The following ZNF423 variants were observed in gnomAD, a reference collection of about 807,000 sequenced individuals.
ZNF423 encodes the protein zinc finger protein 423.
In ZNF423, 12 loss-of-function variants were observed where a neutral mutation model predicts 95.8. The observed-to-expected ratio is 0.13, with a 90% CI of 0.08 to 0.20. The LOEUF is 0.20. Among genes scored for constraint, ZNF423 ranks in the 10% least tolerant of loss-of-function variants. ZNF423 has a pLI of 1.00. For synonymous variants in ZNF423, 749 were observed against 711.9 expected (o/e 1.05, Z -0.83); for missense variants, 1,316 against 1,737.1 (o/e 0.76, Z 4.31).
At chr16:49,496,382 G>A (rs545075367) in intron 7 of ZNF423, among the ~76,000 whole-genome samples, 32 of 152,218 alleles carry the variant, frequency 2.1e-4, no homozygotes, top group African/African-American at 7.2e-4. Context: ...GATCCCTCAC[G>A]GACAGCTTGG....
chr16:49,611,381 C>T (rs567083809), intron 5 of ZNF423, among the ~76,000 whole-genome samples: 33 of 151,958 alleles, frequency 2.2e-4, no homozygotes, highest in South Asian at 4.2e-4. Context: ...AGAAACTATA[C>T]GACGTACCTC....
rs970988252 is a variant in ZNF423, at chr16:49,490,247, A to G, written c.*1028T>C. 6 of 152,434 alleles carry G rather than the reference A, an allele frequency of 3.9e-5. No homozygotes were observed. The East Asian group carries it at 1.2e-3, about 29-fold the overall frequency. The allele number at this position is 152,434 out of a possible 1,614,324, so 9.4% of individuals were successfully genotyped here. On this transcript the variant is annotated 3_prime_UTR_variant, in exon 8 of 8. Transcript: ENST00000563137. ...CCTGTATCCAACAAAGGGGAAAGCC[A>G]ACCCTGAAGGGAAAGCCAAGAAGAC...
intron 5 of ZNF423, among the ~76,000 whole-genome samples, chr16:49,619,046 C>G (rs1971971998): frequency 6.6e-6 from 1 of 152,158 alleles, no homozygotes; most frequent in African/African-American, 2.4e-5. Flanking sequence ...GACCTCTTTT[C>G]TCTATAATTG....
chr16:49,546,326 C>T (rs1006270267), intron 5 of ZNF423, among the ~76,000 whole-genome samples: 2 of 152,186 alleles, frequency 1.3e-5, no homozygotes, highest in African/African-American at 2.4e-5. Context: ...TAAACTGTGA[C>T]TTTCTTCACT....
chr16:49,788,943 T>C (rs1255270513), intron 2 of ZNF423, among the ~76,000 whole-genome samples: 1 of 152,146 alleles, frequency 6.6e-6, no homozygotes, highest in Non-Finnish European at 1.5e-5. Flanking sequence ...TTTTTACAGC[T>C]AAGAAACAGA....
At chr16:49,771,710 C>T (rs536767151) in intron 2 of ZNF423, among the ~76,000 whole-genome samples, 1 of 152,202 alleles carries the variant, frequency 6.6e-6, no homozygotes, top group Non-Finnish European at 1.5e-5. Flanking sequence ...CGTGCCTTTG[C>T]TCTTCCTTTG....
At position 49,638,933 on chromosome 16, in the gene ZNF423, G is replaced by C; in HGVS notation, c.302-59C>G. The C allele has an allele frequency of 1.3e-6, 2 of 1,531,442 alleles. No individual in the cohort carries two copies. Among genetic ancestry groups the C allele is most frequent in the Admixed American group, 3.9e-5 (2 of 51,364 alleles). The allele number at this position is 1,531,442 out of a possible 1,614,324, so 94.9% of individuals were successfully genotyped here. ...ATTCCCAGGGCTGCCGAGAAACAAG[G>C]ACAGAGCCAGCTTCTCGACAGCACG... is the stretch of plus-strand genomic sequence containing the variant. On this transcript the variant is annotated intron_variant, in intron 3 of 7. Transcript: ENST00000563137. The surrounding 1 kb of genome is among the most constrained non-coding windows in gnomAD (Gnocchi z 5.6).
At chr16:49,725,373 A>T (rs2032982748) in intron 3 of ZNF423, among the ~76,000 whole-genome samples, 1 of 151,988 alleles carries the variant, frequency 6.6e-6, no homozygotes, top group African/African-American at 2.4e-5. Flanking sequence ...ACAGAACAAG[A>T]CCCTGTCTCT....
Position 49,855,033 on chromosome 16 carries a change from C to T in ZNF423, c.40+702G>A, listed in dbSNP as rs1567373373. The T allele has an allele frequency of 1.0e-6, 1 of 984,852 alleles. No homozygotes were observed. Among genetic ancestry groups the T allele is most frequent in the African/African-American group, 1.7e-5 (1 of 57,160 alleles). 61.0% of individuals were successfully genotyped at this position (984,852 alleles called of 1,614,324 possible). ...CCCCTGAGGACCTGCGTCCCGCCGG[C>T]GCCGTGCAGACAATGAACTCCTGGC... is the stretch of plus-strand genomic sequence containing the variant. On this transcript the variant is annotated intron_variant, in intron 1 of 7. Coordinates refer to ENST00000563137, the MANE Select transcript of ZNF423 (RefSeq NM_001379286.1). This position sits in a 1 kb window ranked among gnomAD's most constrained non-coding sequence, Gnocchi z 4.7.
intron 1 of ZNF423, among the ~76,000 whole-genome samples, chr16:49,833,584 G>C (rs1232590863): frequency 3.9e-5 from 6 of 152,030 alleles, no homozygotes; most frequent in Non-Finnish European, 5.9e-5. Context: ...CGCTCCCAGA[G>C]CCCCCTCCCA....
Position 49,712,379 on chromosome 16 carries a change from CA to C in ZNF423, c.301+18391del, listed in dbSNP as rs551004199. ...GAGAAAAAAAGCTCTTAGGAATGTC[CA>C]GAGGGGAAAGTGCCATTGGAAAAAA... On this transcript the variant is annotated intron_variant, in intron 3 of 7. Transcript: ENST00000563137. Among the ~76,000 whole-genome samples the C allele has an allele frequency of 5.2e-3, 798 of 152,238 alleles. 9 individuals are homozygous for C. Among genetic ancestry groups the C allele is most frequent in the African/African-American group, 0.018 (760 of 41,554 alleles).
intron 3 of ZNF423, among the ~76,000 whole-genome samples, chr16:49,716,023 G>A (rs932080496): frequency 2.0e-5 from 3 of 152,030 alleles, no homozygotes; most frequent in African/African-American, 7.2e-5. Flanking sequence ...AGGAGGAGAA[G>A]CCGCAAGAGG....
At chr16:49,669,202 A>G (rs978317432) in intron 3 of ZNF423, among the ~76,000 whole-genome samples, 1 of 151,846 alleles carries the variant, frequency 6.6e-6, no homozygotes, top group Admixed American at 6.6e-5. Context: ...GGTGGCGCAC[A>G]CCTGTAATCC....
intron 4 of ZNF423, among the ~76,000 whole-genome samples, chr16:49,634,204 C>CTT (rs528621494): frequency 1.4e-4 from 16 of 114,238 alleles, no homozygotes; most frequent in South Asian, 6.1e-4. Context: ...CCACACCTGG[C>CTT]TTTTTTTTTT....
chr16:49,685,455 T>A (rs1027144552), intron 3 of ZNF423, among the ~76,000 whole-genome samples: 7 of 152,084 alleles, frequency 4.6e-5, no homozygotes, highest in African/African-American at 1.7e-4. Flanking sequence ...CCCTACCAGC[T>A]TTGTCCCCCA....
intron 3 of ZNF423, among the ~76,000 whole-genome samples, chr16:49,710,463 C>T (rs116051646): frequency 0.02 from 3,039 of 152,288 alleles, 102 homozygotes; most frequent in African/African-American, 0.068. Flanking sequence ...AGGACCTAAA[C>T]GCCTAAGAAG....
At chr16:49,699,895 G>A (rs776529808) in intron 3 of ZNF423, among the ~76,000 whole-genome samples, 1 of 152,132 alleles carries the variant, frequency 6.6e-6, no homozygotes, top group South Asian at 2.1e-4. Flanking sequence ...CTCCAAGAGG[G>A]AGGAGGACAG....
chr16:49,724,445 C>G (rs1292855499), intron 3 of ZNF423, among the ~76,000 whole-genome samples: 1 of 152,220 alleles, frequency 6.6e-6, no homozygotes, highest in African/African-American at 2.4e-5. Flanking sequence ...GGAGCCCACA[C>G]CCAGCACCTG....
At chr16:49,575,553 C>A (rs1382063532) in intron 5 of ZNF423, among the ~76,000 whole-genome samples, 1 of 152,150 alleles carries the variant, frequency 6.6e-6, no homozygotes, top group Non-Finnish European at 1.5e-5. Context: ...TTCAGCAGCA[C>A]AGGGAGATAG....
Sources: gnomAD v4.1 joint callset for allele counts (sites outside exome capture counted in the v4.1 genomes callset) on GRCh38, gnomAD v4.1.1 for gene constraint, Gnocchi (gnomAD v3.1) non-coding constraint, MANE v1.5 for transcripts, NCBI Gene and HGNC (gene_info 2026-07-23, HGNC 2026-07-21) for gene names.